Variants in CYP27C1 observed in about 807,000 individuals in gnomAD.
CYP27C1 encodes the protein cytochrome P450 family 27 subfamily C member 1.
A neutral mutation model predicts 40.6 loss-of-function variants in CYP27C1; 29 were observed. The ratio of observed to expected loss-of-function variants is 0.71; its 90% CI spans 0.53 to 0.97. The LOEUF (loss-of-function observed/expected upper bound fraction) is 0.97. Among genes scored for constraint, CYP27C1 ranks in the 50% least tolerant of loss-of-function variants. The pLI is 0.00. For synonymous variants in CYP27C1, 198 were observed against 186.8 expected (o/e 1.06, Z -0.49); for missense variants, 390 against 485.8 (o/e 0.80, Z 1.85).
chr2:127,205,607 C>A (rs1683208351), intron 2 of CYP27C1: 1 of 884,378 alleles, frequency 1.1e-6, no homozygotes, highest in Admixed American at 6.2e-5. Flanking sequence ...TCGGTTATCA[C>A]TGAATGGACT....
At chr2:127,211,972 A>G (rs537863537) in intron 1 of CYP27C1, among the ~76,000 whole-genome samples, 1 of 152,314 alleles carries the variant, frequency 6.6e-6, no homozygotes, top group African/African-American at 2.4e-5. Context: ...ACAATAAAAA[A>G]TGATAAAGGG....
chr2:127,197,867 C>T (rs74823293), intron 5 of CYP27C1, among the ~76,000 whole-genome samples: 5,514 of 151,892 alleles, frequency 0.036, 114 homozygotes, highest in East Asian at 0.068. Context: ...TCCTTATTCC[C>T]CCCGGACCAT....
In CYP27C1 at chr2:127,184,215, CTCTTTTT is replaced by C. The variant is rs1573885096; in HGVS notation, c.*3049_*3055del. 3.9e-5 allele frequency: 6 copies of C among 152,236 alleles called. No homozygotes were observed. The East Asian group carries it at 1.2e-3, about 29-fold the overall frequency. 9.4% of individuals were successfully genotyped at this position (152,236 alleles called of 1,614,324 possible). A position where few individuals can be genotyped will look rare whatever the true frequency, so the allele number is the denominator to read the frequency against. On this transcript the variant is annotated 3_prime_UTR_variant, in exon 9 of 9. Coordinates refer to ENST00000664447, the MANE Select transcript of CYP27C1 (RefSeq NM_001367502.1). ...AGCATTCAAATTTCCCCGAGTTGCT[CTCTTTTT>C]TTCATGCATTGGAAGAATTAATATT...
intron 8 of CYP27C1, among the ~76,000 whole-genome samples, chr2:127,188,018 C>CG (rs1224148403): frequency 6.6e-6 from 1 of 152,162 alleles, no homozygotes; most frequent in Non-Finnish European, 1.5e-5. Context: ...TTATCTCCCC[C>CG]GGCGGCCGGC....
chr2:127,191,070 T>TC (rs1168174153), intron 8 of CYP27C1, among the ~76,000 whole-genome samples: 1 of 150,422 alleles, frequency 6.6e-6, no homozygotes, highest in Non-Finnish European at 1.5e-5. Context: ...ACATGATGAA[T>TC]CCCCATCTCT....
rs1287957788 is a variant in CYP27C1 at position 127,208,321 on chromosome 2, G to C, written c.283-2231C>G. Among the ~76,000 whole-genome samples the C allele has an allele frequency of 6.6e-6, 1 of 152,164 alleles. No individual in the cohort carries two copies. Among genetic ancestry groups the C allele is most frequent in the East Asian group, 1.9e-4 (1 of 5,188 alleles). On this transcript the variant is annotated intron_variant, in intron 1 of 8. Transcript: ENST00000664447. The surrounding 1 kb of genome is among the most constrained non-coding windows in gnomAD (Gnocchi z 5.2). ...CCCCCAGCCAAGGGAGGTGGTGAGTGAGCGGGCTACCCAGCTGGGGAAACT... is the reference window on the plus strand; with the variant it reads ...CCCCCAGCCAAGGGAGGTGGTGAGTCAGCGGGCTACCCAGCTGGGGAAACT...
Position 127,199,382 on chromosome 2 carries a change from G to A in CYP27C1, c.1041C>T (p.Val347=), listed in dbSNP as rs145490404. ...ANVTEMLLAG[V]DTTSFTLSWT... is the part of the protein sequence containing the mutation. ...ACAGGACCCCCAGACTCACCGTGTC[G>A]ACGCCGGCCAGCAGCATCTCAGTCA... Residue 347 remains valine (V), a synonymous_variant, in exon 5 of 9, where the codon GTC becomes GTT. Coordinates refer to ENST00000664447, the MANE Select transcript of CYP27C1 (RefSeq NM_001367502.1). 1,174 of 1,613,976 alleles carry A rather than the reference G, an allele frequency of 7.3e-4. 2 individuals are homozygous for A. The highest frequency in any genetic ancestry group is 8.4e-4 in the Non-Finnish European group (997 of 1,179,924).
intron 1 of CYP27C1, among the ~76,000 whole-genome samples, chr2:127,212,090 C>T (rs1027467977): frequency 1.3e-4 from 20 of 152,138 alleles, no homozygotes; most frequent in Admixed American, 6.5e-4. Flanking sequence ...AATTCCTGGA[C>T]GCATACACCC....
chr2:127,204,281 A>AG (rs1683108736), intron 2 of CYP27C1, among the ~76,000 whole-genome samples: 1 of 114,090 alleles, frequency 8.8e-6, no homozygotes, highest in African/African-American at 3.6e-5. Context: ...AAAAAGAAAG[A>AG]AAGAGAGAGA....
At chr2:127,199,653 G>T in intron 4 of CYP27C1, 114 bp from the exon 5 acceptor site, 1 of 1,179,106 alleles carries the variant, frequency 8.5e-7, no homozygotes, top group Non-Finnish European at 1.1e-6. Context: ...GGTGACAGAG[G>T]GTAAGGAAAC....
In CYP27C1 at chr2:127,197,332, T is replaced by TTTTTG. The variant is rs559067483; in HGVS notation, c.1048-1836_1048-1832dup. 1.1e-3 allele frequency among the ~76,000 whole-genome samples: 160 copies of TTTTTG among 152,326 alleles called. 1 individual carries two copies. Among genetic ancestry groups the TTTTTG allele is most frequent in the African/African-American group, 3.7e-3 (153 of 41,568 alleles). On this transcript the variant is annotated intron_variant, in intron 5 of 8. Coordinates refer to ENST00000664447, the MANE Select transcript of CYP27C1 (RefSeq NM_001367502.1). The stretch of plus-strand genomic sequence containing the variant: ...AAGGAGTTTATGCTGTGTGGGTTTG[T>TTTTTG]TTTTGTTTTGTTTTGTTTTGTTTTT...
intron 1 of CYP27C1, among the ~76,000 whole-genome samples, chr2:127,213,178 A>G (rs1683366055): frequency 6.6e-6 from 1 of 152,208 alleles, no homozygotes; most frequent in African/African-American, 2.4e-5. Flanking sequence ...GGACACAAAC[A>G]AATGGAAAAA....
intron 3 of CYP27C1, among the ~76,000 whole-genome samples, chr2:127,202,065 G>C (rs1683046615): frequency 6.6e-6 from 1 of 150,520 alleles, no homozygotes; most frequent in Non-Finnish European, 1.5e-5. Context: ...CTGATAGAAA[G>C]TCCTCCAAGA....
rs1683087918 is a variant in CYP27C1, at chr2:127,203,407, T to C, written c.638A>G (p.Asn213Ser). ...ATATTTGAAGAAAAGATCATTGACA[T>C]TGGTCACGGTTTCTCCATCTTCTGC... ...SQAEDGETVT[N>S]VNDLFFKYSM... is the part of the protein sequence containing the mutation. Residue 213 changes from asparagine to serine, a missense_variant, in exon 3 of 9, where the codon AAT (asparagine) becomes AGT (serine). Asn to Ser is a conservative substitution (Grantham distance 46, BLOSUM62 1). Transcript: ENST00000664447. 6 of 1,613,528 alleles carry C rather than the reference T, an allele frequency of 3.7e-6. No homozygotes were observed. The highest frequency in any genetic ancestry group is 5.1e-6 in the Non-Finnish European group (6 of 1,179,914).
Position 127,185,167 on chromosome 2 carries a change from C to A in CYP27C1, c.*2104G>T, listed in dbSNP as rs565327024. The A allele has an allele frequency of 6.6e-6, 1 of 152,398 alleles. No homozygotes were observed. The highest frequency in any genetic ancestry group is 2.1e-4 in the South Asian group (1 of 4,828). The allele number at this position is 152,398 out of a possible 1,614,324, so 9.4% of individuals were successfully genotyped here. On this transcript the variant is annotated 3_prime_UTR_variant, in exon 9 of 9. Coordinates refer to ENST00000664447, the MANE Select transcript of CYP27C1 (RefSeq NM_001367502.1). The surrounding 1 kb of genome is among the most constrained non-coding windows in gnomAD (Gnocchi z 4.9). ...CTGTATACCACATATTTCCTATAAA[C>A]CAGTAGCGAACCTAGAAACTTGTCC...
chr2:127,210,047 C>A (rs537306694), intron 1 of CYP27C1, among the ~76,000 whole-genome samples: 1 of 152,182 alleles, frequency 6.6e-6, no homozygotes, highest in African/African-American at 2.4e-5. Context: ...TAAGATCAAC[C>A]CCAAGACACA....
At position 127,218,092 on chromosome 2, in the gene CYP27C1, T is replaced by G. The variant is rs1194943369; in HGVS notation, c.282+1897A>C. ...CTGCTCCGTGCCCCAGGGCCCTGGGTGTGGTGAAGGAAGCTGTCTGAGCAG... is the reference window on the plus strand; with the variant it reads ...CTGCTCCGTGCCCCAGGGCCCTGGGGGTGGTGAAGGAAGCTGTCTGAGCAG... On this transcript the variant is annotated intron_variant, in intron 1 of 8. Transcript: ENST00000664447. The surrounding 1 kb of genome is among the most constrained non-coding windows in gnomAD (Gnocchi z 6.0). Among the ~76,000 whole-genome samples, 1 of 151,562 alleles carries G rather than the reference T, an allele frequency of 6.6e-6. No individual in the cohort carries two copies. Among genetic ancestry groups the G allele is most frequent in the African/African-American group, 2.4e-5 (1 of 41,170 alleles).
At chr2:127,212,680 G>A (rs1424478428) in intron 1 of CYP27C1, among the ~76,000 whole-genome samples, 3 of 152,128 alleles carry the variant, frequency 2.0e-5, no homozygotes, top group Admixed American at 6.5e-5. Flanking sequence ...AATAATAAGA[G>A]CTATTTATGA....
chr2:127,218,880 C>A lies in CYP27C1; in HGVS notation c.282+1109G>T, dbSNP rs1399209757. 6.6e-6 allele frequency among the ~76,000 whole-genome samples: 1 copy of A among 152,160 alleles called. No homozygotes were observed. The highest frequency in any genetic ancestry group is 1.5e-5 in the Non-Finnish European group (1 of 68,020). On this transcript the variant is annotated intron_variant, in intron 1 of 8. Transcript: ENST00000664447. The surrounding 1 kb of genome is among the most constrained non-coding windows in gnomAD (Gnocchi z 6.0). ...GGCATCGGAGGGCGCCGCCGCGGCT[C>A]GGGTGCAGTGCCCCTGCCACGAAGG... is the stretch of plus-strand genomic sequence containing the variant.
Sources: allele counts gnomAD v4.1 joint callset (sites outside exome capture counted in the v4.1 genomes callset), GRCh38; gene constraint gnomAD v4.1.1; non-coding constraint Gnocchi (gnomAD v3.1); transcripts MANE v1.5; gene names NCBI Gene and HGNC (gene_info 2026-07-23, HGNC 2026-07-21).